The following CTXN2 variants were observed in gnomAD, a reference collection of about 807,000 sequenced individuals.
The protein encoded by CTXN2 is cortexin-2.
Under a neutral mutation model 5.7 loss-of-function variants are expected in CTXN2, and 3 were observed. That is an observed-to-expected ratio of 0.53 (90% CI 0.24 to 1.36). The LOEUF is 1.36. CTXN2 is among the 40% of genes most tolerant of loss of function. The pLI is 0.17. For missense variants in CTXN2, 87 were observed against 93.0 expected, an observed-to-expected ratio of 0.94 and a Z score of 0.26; for synonymous variants, 38 against 36.4, an observed-to-expected ratio of 1.04 and a Z score of -0.16.
chr15:48,181,138 T>A (rs2040698892), intron 1 of CTXN2, among the ~76,000 whole-genome samples: 1 of 152,226 alleles, frequency 6.6e-6, no homozygotes, highest in African/African-American at 2.4e-5. Context: ...CATCTGCTAA[T>A]AACAATAACT....
chr15:48,187,260 A>G (rs1043140228), upstream of CTXN2, among the ~76,000 whole-genome samples: 1 of 152,126 alleles, frequency 6.6e-6, no homozygotes, highest in Admixed American at 6.5e-5. Context: ...TTGAAAAAAA[A>G]AAAAGGTTGA....
chr15:48,190,969 GGCT>G (rs1289308639), upstream of CTXN2: 5 of 152,238 alleles, frequency 3.3e-5, no homozygotes, highest in Non-Finnish European at 5.9e-5. Context: ...AGCGTTTCCT[GGCT>G]GCTATTTTGT....
At chr15:48,193,980 A>G (rs1432172768) in intron 1 of CTXN2, among the ~76,000 whole-genome samples, 2 of 152,054 alleles carry the variant, frequency 1.3e-5, no homozygotes, top group Non-Finnish European at 2.9e-5. Context: ...AAAACCATCT[A>G]TTTGCTGAAC....
chr15:48,182,479 G>A (rs2040708178), intron 1 of CTXN2, among the ~76,000 whole-genome samples: 1 of 152,186 alleles, frequency 6.6e-6, no homozygotes, highest in Non-Finnish European at 1.5e-5. Context: ...GGCTGCTTAT[G>A]AGCCTAGTTT....
upstream of CTXN2, chr15:48,190,306 G>T (rs1036788914): frequency 6.6e-6 from 1 of 152,154 alleles, no homozygotes; most frequent in Non-Finnish European, 1.5e-5. Flanking sequence ...AAAGAATGTG[G>T]CCCTTGGCAA....
intron 1 of CTXN2, among the ~76,000 whole-genome samples, chr15:48,185,355 T>A (rs1220232406): frequency 2.6e-5 from 4 of 152,152 alleles, no homozygotes; most frequent in Non-Finnish European, 4.4e-5. Flanking sequence ...ATGTAAGATG[T>A]TAATAACAAG....
chr15:48,187,820 A>T (rs1241019374), upstream of CTXN2, among the ~76,000 whole-genome samples: 2 of 152,322 alleles, frequency 1.3e-5, no homozygotes, highest in African/African-American at 4.8e-5. Context: ...TCTCTGAGAT[A>T]ACAAAAAGTC....
intron 1 of CTXN2, 120 bp from the exon 2 acceptor site, chr15:48,201,124 T>C: frequency 1.6e-6 from 1 of 617,934 alleles, no homozygotes; most frequent in Non-Finnish European, 2.8e-6. Flanking sequence ...CTGATGATGC[T>C]TTCAAACATC....
At chr15:48,179,421 A>G (rs2040669240) in intron 1 of CTXN2, among the ~76,000 whole-genome samples, 1 of 151,692 alleles carries the variant, frequency 6.6e-6, no homozygotes, top group African/African-American at 2.4e-5. Context: ...ACACACATAC[A>G]CACACACACA....
chr15:48,182,868 C>A (rs75861102), intron 1 of CTXN2, among the ~76,000 whole-genome samples: 3,738 of 152,210 alleles, frequency 0.025, 132 homozygotes, highest in African/African-American at 0.082. Context: ...GCAGGAGTCA[C>A]AAGGAACCAT....
intron 1 of CTXN2, among the ~76,000 whole-genome samples, chr15:48,195,350 C>A (rs1277861936): frequency 3.3e-5 from 5 of 152,068 alleles, no homozygotes; most frequent in Non-Finnish European, 7.4e-5. Context: ...CATTGCTTCT[C>A]ACCTGAACCA....
At chr15:48,199,435 C>G (rs574399833) in intron 1 of CTXN2, among the ~76,000 whole-genome samples, 1 of 152,170 alleles carries the variant, frequency 6.6e-6, no homozygotes, top group Non-Finnish European at 1.5e-5. Context: ...GAAATATCCA[C>G]ATGTTGTAGC....
rs544900651 is a variant in CTXN2 at position 48,199,813 on chromosome 15, A to G, written c.-57-1431A>G. On this transcript the variant is annotated intron_variant, in intron 1 of 1. Coordinates refer to ENST00000417307, the MANE Select transcript of CTXN2 (RefSeq NM_001145668.2). ...GTCTTCTCACTATACTATATTGATTAGGACAAAAAATGACTTAGTGGAAAG... is the reference window on the plus strand; with the variant it reads ...GTCTTCTCACTATACTATATTGATTGGGACAAAAAATGACTTAGTGGAAAG... Among the ~76,000 whole-genome samples the G allele has an allele frequency of 1.2e-3, 190 of 152,296 alleles. 1 individual carries two copies. The highest frequency in any genetic ancestry group is 2.5e-3 in the Non-Finnish European group (169 of 68,006).
Position 48,203,532 on chromosome 15 carries a change from C to A in CTXN2, c.*1986C>A, listed in dbSNP as rs2040943973. 6.0e-6 allele frequency: 1 copy of A among 166,964 alleles called. No individual in the cohort carries two copies. Among genetic ancestry groups the A allele is most frequent in the South Asian group, 2.1e-4 (1 of 4,808 alleles). 10.3% of individuals were successfully genotyped at this position (166,964 alleles called of 1,614,324 possible). A position where few individuals can be genotyped will look rare whatever the true frequency, so the allele number is the denominator to read the frequency against. ...AAGGCTTTTAAAGTACCAGATGTTT[C>A]ATTTGTCTCCCAGAGAAGACACCCA... On this transcript the variant is annotated 3_prime_UTR_variant, in exon 2 of 2. Transcript: ENST00000417307.
At chr15:48,184,095 T>G (rs758168303) in intron 1 of CTXN2, among the ~76,000 whole-genome samples, 4 of 152,222 alleles carry the variant, frequency 2.6e-5, no homozygotes, top group Non-Finnish European at 5.9e-5. Context: ...TCAAAAATCT[T>G]CATATTTTTA....
At chr15:48,191,978 CG>C (rs2040827975) in intron 1 of CTXN2, 125 bp downstream of exon 1, 5 of 323,530 alleles carry the variant, frequency 1.5e-5, no homozygotes, top group South Asian at 1.2e-4. Flanking sequence ...AGCAAAAGAG[CG>C]GGGGGTGGGG....
At chr15:48,195,288 A>G (rs991523117) in intron 1 of CTXN2, among the ~76,000 whole-genome samples, 4 of 151,920 alleles carry the variant, frequency 2.6e-5, no homozygotes, top group African/African-American at 9.7e-5. Context: ...TTTTCTAAAT[A>G]TCTTTCCAAC....
intron 1 of CTXN2, chr15:48,178,564 C>A: frequency 3.4e-6 from 1 of 292,786 alleles, no homozygotes. Context: ...GCCCGCCTGT[C>A]GCTTGGCACC....
chr15:48,181,585 TTAAG>T (rs1314571190), intron 1 of CTXN2, among the ~76,000 whole-genome samples: 6 of 152,062 alleles, frequency 3.9e-5, no homozygotes, highest in Non-Finnish European at 7.4e-5. Flanking sequence ...TCTTTAAGAA[TTAAG>T]TTTTAGGGAT....
Sources: allele counts gnomAD v4.1 joint callset (sites outside exome capture counted in the v4.1 genomes callset), GRCh38; gene constraint gnomAD v4.1.1; transcripts MANE v1.5; gene names NCBI Gene and HGNC (gene_info 2026-07-23, HGNC 2026-07-21).